Variants in ETV5 observed in about 807,000 individuals in gnomAD.
ETV5 encodes ETS translocation variant 5.
Under a neutral mutation model 70.0 loss-of-function variants are expected in ETV5, and 10 were observed. That is an observed-to-expected ratio of 0.14 (90% CI 0.09 to 0.24). ETV5 has a LOEUF of 0.24. ETV5 is among the 10% of genes least tolerant of loss of function. The probability of loss-of-function intolerance (pLI) is 1.00; values close to 1 mark genes in which losing one functional copy is unlikely to be tolerated. For synonymous variants in ETV5, 216 were observed against 242.2 expected, an observed-to-expected ratio of 0.89 and a Z score of 1.01; for missense variants, 453 against 651.2, an observed-to-expected ratio of 0.70 and a Z score of 3.31.
At chr3:186,072,315 G>A (rs547674212) in intron 7 of ETV5, among the ~76,000 whole-genome samples, 1 of 151,632 alleles carries the variant, frequency 6.6e-6, no homozygotes, top group African/African-American at 2.4e-5. Context: ...CCGAGAGGTG[G>A]AGGCCAAGAT....
chr3:186,081,276 C>G lies in ETV5; in HGVS notation c.233-101G>C, dbSNP rs973735659. ...CAAACCTTCTAACTAGCTGATTGTT[C>G]TTGGAACTCATGTCAAGTCACATGT... is the stretch of plus-strand genomic sequence containing the variant. On this transcript the variant is annotated intron_variant, in intron 5 of 12. Coordinates refer to ENST00000306376, the MANE Select transcript of ETV5 (RefSeq NM_004454.3). 5 of 1,220,736 alleles carry G rather than the reference C, an allele frequency of 4.1e-6. No individual in the cohort carries two copies. In the African/African-American group the frequency reaches 7.7e-5, roughly 19 times the overall value. 75.6% of individuals were successfully genotyped at this position (1,220,736 alleles called of 1,614,324 possible).
intron 5 of ETV5, among the ~76,000 whole-genome samples, chr3:186,081,999 TGA>T (rs1024161104): frequency 4.6e-5 from 7 of 152,264 alleles, no homozygotes; most frequent in African/African-American, 1.7e-4. Flanking sequence ...CATAGGATTC[TGA>T]GAGGGCAGAG....
chr3:186,060,442 T>C (rs1446377435), intron 9 of ETV5, among the ~76,000 whole-genome samples: 1 of 152,174 alleles, frequency 6.6e-6, no homozygotes, highest in East Asian at 1.9e-4. Context: ...GTGGCCACAA[T>C]CATCTAATCA....
chr3:186,048,545 A>T lies in ETV5; in HGVS notation c.*94T>A. The T allele has an allele frequency of 1.7e-6, 2 of 1,172,432 alleles. No individual in the cohort carries two copies. Among genetic ancestry groups the T allele is most frequent in the Non-Finnish European group, 2.5e-6 (2 of 797,932 alleles). The allele number at this position is 1,172,432 out of a possible 1,614,324, so 72.6% of individuals were successfully genotyped here. On this transcript the variant is annotated 3_prime_UTR_variant, in exon 13 of 13. Transcript: ENST00000306376. ...AGATAATACTCAAAGGGCAAGCTTT[A>T]GGAACAACCAAAAACACAAACAAAA...
intron 5 of ETV5, among the ~76,000 whole-genome samples, chr3:186,093,685 G>T (rs1714239440): frequency 6.6e-6 from 1 of 152,220 alleles, no homozygotes; most frequent in South Asian, 2.1e-4. Context: ...CGGCCCAAGT[G>T]TGGGGGGCAC....
At chr3:186,102,566 G>C (rs994971099) in intron 5 of ETV5, among the ~76,000 whole-genome samples, 1 of 148,390 alleles carries the variant, frequency 6.7e-6, no homozygotes, top group Non-Finnish European at 1.5e-5. Flanking sequence ...CTGGGACGTG[G>C]ACATCCCAGT....
intron 7 of ETV5, among the ~76,000 whole-genome samples, chr3:186,070,289 A>G (rs1475867987): frequency 6.6e-6 from 1 of 152,246 alleles, no homozygotes; most frequent in African/African-American, 2.4e-5. Context: ...TGTGCCGCTC[A>G]GTTCTGTAAC....
intron 12 of ETV5, 92 bp from the exon 13 acceptor site, chr3:186,048,952 G>A: frequency 9.4e-7 from 1 of 1,061,464 alleles, no homozygotes; most frequent in Admixed American, 2.1e-5. Flanking sequence ...ACAAAGCCAG[G>A]GACCAAAGGA....
Position 186,057,299 on chromosome 3 carries a change from G to A in ETV5, c.1040-55C>T. 1 of 1,608,826 alleles carries A rather than the reference G, an allele frequency of 6.2e-7. No homozygotes were observed. The highest frequency in any genetic ancestry group is 8.5e-7 in the Non-Finnish European group (1 of 1,176,350). ...AGCTTAGTCCTAAGTTTCTCAGGTG[G>A]TTGGGACAAAAAGGAGTTGTTCATG... is the stretch of plus-strand genomic sequence containing the variant. On this transcript the variant is annotated intron_variant, in intron 10 of 12. Coordinates refer to ENST00000306376, the MANE Select transcript of ETV5 (RefSeq NM_004454.3). The surrounding 1 kb of genome is among the most constrained non-coding windows in gnomAD (Gnocchi z 4.9).
intron 9 of ETV5, among the ~76,000 whole-genome samples, chr3:186,060,053 A>G (rs1377105351): frequency 1.3e-5 from 2 of 152,190 alleles, no homozygotes; most frequent in African/African-American, 4.8e-5. Context: ...AGGAAGCTAC[A>G]TATTTCCCGA....
At chr3:186,082,183 T>C (rs1205985155) in intron 5 of ETV5, among the ~76,000 whole-genome samples, 1 of 152,234 alleles carries the variant, frequency 6.6e-6, no homozygotes, top group Non-Finnish European at 1.5e-5. Context: ...TGCCTTCTAG[T>C]TGAGTTAGAA....
intron 11 of ETV5, among the ~76,000 whole-genome samples, chr3:186,055,154 C>T (rs1713126711): frequency 1.3e-5 from 2 of 152,178 alleles, no homozygotes; most frequent in African/African-American, 2.4e-5. Context: ...AACAGCTTTA[C>T]GAAGGATCAT....
chr3:186,097,046 A>T (rs1188883723), intron 5 of ETV5, among the ~76,000 whole-genome samples: 1 of 152,126 alleles, frequency 6.6e-6, no homozygotes, highest in Non-Finnish European at 1.5e-5. Flanking sequence ...TCAAGGCTGG[A>T]TGCTATTTTG....
chr3:186,079,359 T>A (rs541323871), intron 7 of ETV5: 1 of 230,982 alleles, frequency 4.3e-6, no homozygotes, highest in South Asian at 1.8e-4. Context: ...GCTAATCTCC[T>A]ACTGTTAAAA....
At chr3:186,074,724 G>C (rs1423530165) in intron 7 of ETV5, among the ~76,000 whole-genome samples, 1 of 151,894 alleles carries the variant, frequency 6.6e-6, no homozygotes, top group East Asian at 1.9e-4. Context: ...CAGCAGCCTG[G>C]CCAACATGGT....
Position 186,105,529 on chromosome 3 carries a change from A to G in ETV5, c.134-33T>C, listed in dbSNP as rs1325611347. 1.6e-5 allele frequency: 26 copies of G among 1,613,612 alleles called. No homozygotes were observed. Among genetic ancestry groups the G allele is most frequent in the Non-Finnish European group, 2.0e-5 (24 of 1,179,652 alleles). ...TGAAAAAGAAGACCCCAGAATGAGG[A>G]TATTTCTTTCGCTAGGGAGAAGACA... is the stretch of plus-strand genomic sequence containing the variant. On this transcript the variant is annotated intron_variant, in intron 3 of 12. Transcript: ENST00000306376. The surrounding 1 kb of genome is among the most constrained non-coding windows in gnomAD (Gnocchi z 4.5).
chr3:186,106,237 T>TA (rs1250830015), intron 1 of ETV5, among the ~76,000 whole-genome samples: 7 of 151,996 alleles, frequency 4.6e-5, no homozygotes, highest in East Asian at 1.9e-4. Flanking sequence ...CAAAAATAAA[T>TA]AAATAAAATA....
rs532242313 is a variant in ETV5 at position 186,105,151 on chromosome 3, A to C, written c.232+154T>G. 7.0e-6 allele frequency: 4 copies of C among 571,190 alleles called. No individual in the cohort carries two copies. Among genetic ancestry groups the C allele is most frequent in the East Asian group, 6.1e-5 (2 of 32,926 alleles). 35.4% of individuals were successfully genotyped at this position (571,190 alleles called of 1,614,324 possible). A position where few individuals can be genotyped will look rare whatever the true frequency, so the allele number is the denominator to read the frequency against. ...TTAGAAATAATTTTATTATGAAATA[A>C]AAGTTTTCAGGGTTAATTCTGAATT... On this transcript the variant is annotated intron_variant, in intron 5 of 12. Transcript: ENST00000306376. The surrounding 1 kb of genome is among the most constrained non-coding windows in gnomAD (Gnocchi z 4.5).
intron 7 of ETV5, among the ~76,000 whole-genome samples, chr3:186,076,973 G>A (rs891102333): frequency 1.3e-5 from 2 of 152,196 alleles, no homozygotes; most frequent in African/African-American, 4.8e-5. Context: ...ATTAGTGGAT[G>A]TTAGCAGCCC....
Sources: allele counts gnomAD v4.1 joint callset (sites outside exome capture counted in the v4.1 genomes callset), GRCh38; gene constraint gnomAD v4.1.1; non-coding constraint Gnocchi (gnomAD v3.1); transcripts MANE v1.5; gene names NCBI Gene and HGNC (gene_info 2026-07-23, HGNC 2026-07-21).